MMP16: variants seen among roughly 807,000 people sequenced by gnomAD.
MMP16 encodes matrix metallopeptidase 16.
In MMP16, 12 loss-of-function variants were observed where a neutral mutation model predicts 67.8. The observed-to-expected ratio is 0.18, with a 90% confidence interval of 0.11 to 0.29. The LOEUF is 0.29. Ranked by LOEUF, MMP16 falls within the 10% of genes least tolerant of loss-of-function variation. MMP16 has a pLI of 1.00. For synonymous variants in MMP16, 249 were observed against 255.9 expected, an observed-to-expected ratio of 0.97 and a Z score of 0.26; for missense variants, 475 against 765.7, an observed-to-expected ratio of 0.62 and a Z score of 4.48.
chr8:88,121,530 T>C (rs886412694), intron 4 of MMP16, among the ~76,000 whole-genome samples: 17 of 152,068 alleles, frequency 1.1e-4, no homozygotes, highest in Non-Finnish European at 2.4e-4. Context: ...TAAAATGCAC[T>C]GGACCTCTTT....
intron 4 of MMP16, among the ~76,000 whole-genome samples, chr8:88,123,853 T>C (rs1440436801): frequency 6.6e-6 from 1 of 151,920 alleles, no homozygotes; most frequent in Admixed American, 6.6e-5. Context: ...TGCTCTTCCA[T>C]GGAGCCTCCA....
chr8:88,100,519 A>G (rs543238256), intron 6 of MMP16, among the ~76,000 whole-genome samples: 9 of 152,188 alleles, frequency 5.9e-5, no homozygotes, highest in Admixed American at 5.9e-4. Flanking sequence ...ACACTTTTAC[A>G]CTGTTGATGG....
chr8:88,136,017 T>C (rs908938625), intron 4 of MMP16, among the ~76,000 whole-genome samples: 4 of 151,774 alleles, frequency 2.6e-5, no homozygotes, highest in African/African-American at 7.2e-5. Flanking sequence ...ATAAAATCCA[T>C]GGGTCAAAAT....
intron 1 of MMP16, among the ~76,000 whole-genome samples, chr8:88,206,257 C>A (rs185943539): frequency 5.9e-5 from 9 of 152,244 alleles, no homozygotes; most frequent in Non-Finnish European, 1.2e-4. Flanking sequence ...TGAAATTTTT[C>A]ATCACCCCAA....
intron 1 of MMP16, among the ~76,000 whole-genome samples, chr8:88,302,851 T>C (rs189914917): frequency 6.6e-6 from 1 of 152,082 alleles, no homozygotes; most frequent in Admixed American, 6.6e-5. Flanking sequence ...GGCAAATAGC[T>C]CGACCCATAG....
chr8:88,146,429 G>GTGGTA (rs1292371581), intron 4 of MMP16, among the ~76,000 whole-genome samples: 1 of 151,770 alleles, frequency 6.6e-6, no homozygotes, highest in Non-Finnish European at 1.5e-5. Context: ...CCCAAAATTT[G>GTGGTA]TGGTATCCTT....
intron 6 of MMP16, among the ~76,000 whole-genome samples, chr8:88,086,490 G>A (rs1357269594): frequency 6.6e-6 from 1 of 151,892 alleles, no homozygotes; most frequent in Non-Finnish European, 1.5e-5. Flanking sequence ...AATCTACGGA[G>A]GAGGAGAGGC....
intron 6 of MMP16, among the ~76,000 whole-genome samples, chr8:88,107,771 T>C (rs377371647): frequency 2.0e-3 from 297 of 151,232 alleles, no homozygotes; most frequent in Middle Eastern, 3.6e-3. Context: ...TATTTTGGTA[T>C]TAATTAGGAG....
chr8:88,065,318 T>C lies in MMP16; in HGVS notation c.1223-9040A>G, dbSNP rs983255257. 5.9e-5 allele frequency among the ~76,000 whole-genome samples: 9 copies of C among 152,072 alleles called. 1 individual carries two copies. Among genetic ancestry groups the C allele is most frequent in the Admixed American group, 4.6e-4 (7 of 15,216 alleles). The stretch of plus-strand genomic sequence containing the variant: ...AAAACTTTTAGATACACAAGTAATA[T>C]TGACAGGAAAATATTGCAGCTTTAA... On this transcript the variant is annotated intron_variant, in intron 7 of 9. Transcript: ENST00000286614.
intron 8 of MMP16, among the ~76,000 whole-genome samples, chr8:88,047,558 A>G (rs1209735237): frequency 2.6e-5 from 4 of 152,130 alleles, no homozygotes; most frequent in African/African-American, 9.7e-5. Context: ...TCTTTGGGAG[A>G]AGAACATTCC....
At chr8:88,123,444 TG>T (rs1379668280) in intron 4 of MMP16, among the ~76,000 whole-genome samples, 3 of 151,758 alleles carry the variant, frequency 2.0e-5, no homozygotes, top group African/African-American at 7.3e-5. Context: ...ATACTTTTGT[TG>T]TACCTATGCT....
chr8:88,138,132 G>T (rs140568423), intron 4 of MMP16, among the ~76,000 whole-genome samples: 1,804 of 151,930 alleles, frequency 0.012, 19 homozygotes, highest in Middle Eastern at 0.048. Context: ...TGGATGTCTG[G>T]CAATCTTACT....
chr8:88,214,557 T>A (rs1266032566), intron 1 of MMP16, among the ~76,000 whole-genome samples: 1 of 152,188 alleles, frequency 6.6e-6, no homozygotes, highest in African/African-American at 2.4e-5. Flanking sequence ...CATGATGTTT[T>A]GAAGTAAGTA....
chr8:88,259,965 C>T (rs1810361382), intron 1 of MMP16, among the ~76,000 whole-genome samples: 1 of 152,082 alleles, frequency 6.6e-6, no homozygotes. Context: ...TCCTAAACCC[C>T]CCAAATTTTA....
At chr8:88,065,478 A>G (rs1808452550) in intron 7 of MMP16, among the ~76,000 whole-genome samples, 1 of 152,098 alleles carries the variant, frequency 6.6e-6, no homozygotes, top group East Asian at 1.9e-4. Context: ...ATTTCAACAT[A>G]AAATATTAAT....
intron 1 of MMP16, among the ~76,000 whole-genome samples, chr8:88,294,442 A>C (rs1187948470): frequency 1.3e-5 from 2 of 151,460 alleles, no homozygotes; most frequent in African/African-American, 2.4e-5. Context: ...GTATATGTCT[A>C]TATACACACA....
intron 1 of MMP16, among the ~76,000 whole-genome samples, chr8:88,318,726 G>A (rs984746444): frequency 2.0e-5 from 3 of 152,086 alleles, no homozygotes; most frequent in African/African-American, 7.2e-5. Context: ...CAACTCACAA[G>A]ATTATGATAA....
chr8:88,090,587 CTGAT>C (rs1190039925), intron 6 of MMP16, among the ~76,000 whole-genome samples: 5 of 151,872 alleles, frequency 3.3e-5, no homozygotes, highest in South Asian at 4.1e-4. Context: ...CATCTTTCCT[CTGAT>C]TGGTGCTCAA....
chr8:88,241,738 T>C (rs995472151), intron 1 of MMP16, among the ~76,000 whole-genome samples: 2 of 152,090 alleles, frequency 1.3e-5, no homozygotes, highest in African/African-American at 4.8e-5. Context: ...ATAATAATTG[T>C]ATATATTTAT....
Sources: gnomAD v4.1 joint callset for allele counts (sites outside exome capture counted in the v4.1 genomes callset) on GRCh38, gnomAD v4.1.1 for gene constraint, MANE v1.5 for transcripts, NCBI Gene and HGNC (gene_info 2026-07-23, HGNC 2026-07-21) for gene names.